Variants in CES5A observed in about 807,000 individuals in gnomAD.
The protein encoded by CES5A is carboxylesterase 5A.
A neutral mutation model predicts 62.9 loss-of-function variants in CES5A; 67 were observed. The observed-to-expected ratio is 1.07, with a 90% confidence interval of 0.88 to 1.31. The LOEUF (loss-of-function observed/expected upper bound fraction) is 1.31, where lower values mean the gene tolerates loss of function less well. Ranked by LOEUF, CES5A falls within the 50% of genes most tolerant of loss-of-function variation. The pLI, the probability that CES5A is intolerant of heterozygous loss-of-function variation, is 0.00. For missense variants in CES5A, 748 were observed against 708.5 expected (o/e 1.06, Z -0.63); for synonymous variants, 296 against 280.8 (o/e 1.05, Z -0.54).
intron 1 of CES5A, among the ~76,000 whole-genome samples, chr16:55,909,139 CA>C (rs1212175372): frequency 6.6e-6 from 1 of 152,242 alleles, no homozygotes; most frequent in African/African-American, 2.4e-5. Flanking sequence ...CAAGGCTGTA[CA>C]GCCTCCTTAC....
intron 2 of CES5A, chr16:55,943,902 G>A (rs2034468931): frequency 1.6e-6 from 1 of 613,090 alleles, no homozygotes; most frequent in South Asian, 1.9e-5. Context: ...CTTTAACTGA[G>A]TATCCAGTAA....
chr16:55,916,833 C>G (rs1428619684), intron 1 of CES5A, among the ~76,000 whole-genome samples: 21 of 152,252 alleles, frequency 1.4e-4, no homozygotes, highest in Non-Finnish European at 1.6e-4. Context: ...TCCTCTCCAA[C>G]AGGCCTTCTC....
chr16:55,875,015 C>T (rs1327720373), intron 1 of CES5A, 134 bp downstream of exon 1: 15 of 916,594 alleles, frequency 1.6e-5, no homozygotes, highest in Non-Finnish European at 2.5e-5. Flanking sequence ...CAGCAGAATA[C>T]TGATGCCATC....
At chr16:55,926,676 G>T (rs1297976442), upstream of CES5A, among the ~76,000 whole-genome samples, 1 of 152,190 alleles carries the variant, frequency 6.6e-6, no homozygotes, top group Non-Finnish European at 1.5e-5. Context: ...ATATTGTCAT[G>T]CTGGAGAAGG....
intron 10 of CES5A, 122 bp from the exon 11 acceptor site, chr16:55,849,895 C>A: frequency 1.0e-6 from 1 of 998,874 alleles, no homozygotes; most frequent in Non-Finnish European, 1.4e-6. Context: ...AGAGACAGCT[C>A]ACTTCCCCCT....
chr16:55,941,030 C>A (rs1795874178), intron 2 of CES5A, among the ~76,000 whole-genome samples: 1 of 151,630 alleles, frequency 6.6e-6, no homozygotes, highest in African/African-American at 2.4e-5. Flanking sequence ...ATGTAAAAAG[C>A]CTACAGCTAA....
At chr16:55,935,118 T>C (rs2034358782) in intron 2 of CES5A, among the ~76,000 whole-genome samples, 1 of 152,192 alleles carries the variant, frequency 6.6e-6, no homozygotes, top group African/African-American at 2.4e-5. Context: ...AATTTTTGTA[T>C]TTTTAGTAGA....
intron 10 of CES5A, 121 bp from the exon 11 acceptor site, chr16:55,849,894 T>G (rs879147006): frequency 9.9e-7 from 1 of 1,014,380 alleles, no homozygotes; most frequent in Non-Finnish European, 1.4e-6. Context: ...CAGAGACAGC[T>G]CACTTCCCCC....
chr16:55,885,416 G>T (rs2033805328), intron 1 of CES5A, among the ~76,000 whole-genome samples: 1 of 152,182 alleles, frequency 6.6e-6, no homozygotes, highest in Non-Finnish European at 1.5e-5. Context: ...GATTAAACAT[G>T]CAAAGATTTT....
chr16:55,955,278 T>A (rs1342538011), intron 1 of CES5A, among the ~76,000 whole-genome samples: 1 of 152,190 alleles, frequency 6.6e-6, no homozygotes, highest in African/African-American at 2.4e-5. Flanking sequence ...GTTAGTTTCC[T>A]GTTGAGTCAA....
rs550972683 is a variant in CES5A at position 55,846,291 on chromosome 16, G to T, written c.*160C>A. ...AAATTGCACTTTTTGATGTTGAAAA[G>T]AATTCTGTAAGGATCATTCCTAAGT... On this transcript the variant is annotated 3_prime_UTR_variant, in exon 13 of 13. Transcript: ENST00000290567. 1.6e-6 allele frequency: 1 copy of T among 626,330 alleles called. No homozygotes were observed. The highest frequency in any genetic ancestry group is 2.8e-6 in the Non-Finnish European group (1 of 359,364). 38.8% of individuals were successfully genotyped at this position (626,330 alleles called of 1,614,324 possible). A position where few individuals can be genotyped will look rare whatever the true frequency, so the allele number is the denominator to read the frequency against.
intron 1 of CES5A, among the ~76,000 whole-genome samples, chr16:55,918,022 G>A (rs1433783732): frequency 3.9e-5 from 6 of 152,180 alleles, no homozygotes; most frequent in African/African-American, 1.2e-4. Flanking sequence ...ACTTGCACAA[G>A]ATTTGGAAAG....
intron 1 of CES5A, among the ~76,000 whole-genome samples, chr16:55,908,155 T>C (rs1403850378): frequency 6.6e-6 from 1 of 152,156 alleles, no homozygotes; most frequent in Admixed American, 6.5e-5. Context: ...CCCCCATCCA[T>C]GCAGCCCTTA....
At chr16:55,860,985 A>C (rs1312423646) in intron 7 of CES5A, among the ~76,000 whole-genome samples, 1 of 152,234 alleles carries the variant, frequency 6.6e-6, no homozygotes, top group African/African-American at 2.4e-5. Flanking sequence ...AGAGGTGGGC[A>C]TCTCACTACC....
At chr16:55,875,821 G>A (rs990006807), upstream of CES5A, among the ~76,000 whole-genome samples, 2 of 152,040 alleles carry the variant, frequency 1.3e-5, no homozygotes, top group Admixed American at 6.5e-5. Flanking sequence ...AGTTGCCACC[G>A]AAAAGATTCT....
intron 2 of CES5A, among the ~76,000 whole-genome samples, chr16:55,946,969 A>G (rs112694171): frequency 0.015 from 2,284 of 152,248 alleles, 72 homozygotes; most frequent in African/African-American, 0.052. Flanking sequence ...CTCACATCCC[A>G]TTGACCAGAG....
intron 7 of CES5A, among the ~76,000 whole-genome samples, chr16:55,860,695 TTTG>T (rs1231863810): frequency 2.0e-5 from 3 of 152,138 alleles, no homozygotes; most frequent in Non-Finnish European, 2.9e-5. Context: ...AGGTTTCTGT[TTTG>T]AGATTTGGGT....
At chr16:55,941,747 G>A (rs1436250290) in intron 2 of CES5A, among the ~76,000 whole-genome samples, 2 of 152,096 alleles carry the variant, frequency 1.3e-5, no homozygotes, top group Non-Finnish European at 2.9e-5. Flanking sequence ...TCCAGATAGT[G>A]TGGTGTCAGC....
intron 1 of CES5A, among the ~76,000 whole-genome samples, chr16:55,893,236 C>A (rs551905905): frequency 4.6e-5 from 7 of 152,196 alleles, no homozygotes; most frequent in East Asian, 1.9e-4. Flanking sequence ...TCATAACTAA[C>A]CAAAGGCTCA....
Sources: gnomAD v4.1 joint callset for allele counts (sites outside exome capture counted in the v4.1 genomes callset) on GRCh38, gnomAD v4.1.1 for gene constraint, MANE v1.5 for transcripts, NCBI Gene and HGNC (gene_info 2026-07-23, HGNC 2026-07-21) for gene names.